BAIAP2L1: variants seen among roughly 807,000 people sequenced by gnomAD.
BAIAP2L1 encodes the protein BAR/IMD domain containing adaptor protein 2 like 1.
In BAIAP2L1, 35 loss-of-function variants were observed where a neutral mutation model predicts 66.3. The observed-to-expected ratio is 0.53, with a 90% CI of 0.40 to 0.70. The LOEUF (loss-of-function observed/expected upper bound fraction) is 0.70. BAIAP2L1 is among the 30% of genes least tolerant of loss of function. The pLI is 0.00. For synonymous variants in BAIAP2L1, 269 were observed against 248.7 expected (o/e 1.08, Z -0.77); for missense variants, 622 against 656.9 (o/e 0.95, Z 0.58).
chr7:98,370,788 A>T (rs1200345696), intron 1 of BAIAP2L1, among the ~76,000 whole-genome samples: 13 of 152,180 alleles, frequency 8.5e-5, no homozygotes, highest in Admixed American at 8.5e-4. Context: ...GGTGTGAGCC[A>T]CCGCGCCTGG....
chr7:98,350,355 A>G (rs543205578), intron 3 of BAIAP2L1, among the ~76,000 whole-genome samples: 26 of 152,098 alleles, frequency 1.7e-4, no homozygotes, highest in South Asian at 4.2e-4. Context: ...AAGGCTTAAA[A>G]AAAAAAACAA....
At chr7:98,332,981 A>G (rs532028885) in intron 3 of BAIAP2L1, among the ~76,000 whole-genome samples, 33 of 151,814 alleles carry the variant, frequency 2.2e-4, no homozygotes, top group Non-Finnish European at 4.1e-4. Context: ...CCTGCCCCTC[A>G]GCCACACTGG....
chr7:98,345,635 G>C (rs1007253513), intron 3 of BAIAP2L1, among the ~76,000 whole-genome samples: 6 of 152,022 alleles, frequency 3.9e-5, no homozygotes, highest in Non-Finnish European at 5.9e-5. Flanking sequence ...TGAGGGACGA[G>C]AATCGCTTCA....
chr7:98,391,604 C>T (rs955274125), intron 1 of BAIAP2L1, among the ~76,000 whole-genome samples: 2 of 150,240 alleles, frequency 1.3e-5, no homozygotes, highest in African/African-American at 2.5e-5. Flanking sequence ...CCCAGTTACT[C>T]GGGAGGCTGA....
rs1024644592 is a variant in BAIAP2L1, at chr7:98,386,572, T to C, written c.51+14230A>G. 8 of 1,596,784 alleles carry C rather than the reference T, an allele frequency of 5.0e-6. No homozygotes were observed. The Admixed American group carries it at 1.3e-4, about 27-fold the overall frequency. ...CCGCCTTTCGTAAGGCGCTTGTTCT[T>C]GCCAACCGCCATGGTGCTGGTCAGA... On this transcript the variant is annotated intron_variant, in intron 1 of 13. Coordinates refer to ENST00000005260, the MANE Select transcript of BAIAP2L1 (RefSeq NM_018842.5).
At chr7:98,385,684 G>T in intron 1 of BAIAP2L1, 1 of 874,046 alleles carries the variant, frequency 1.1e-6, no homozygotes, top group Non-Finnish European at 1.8e-6. Context: ...AAAGTGCTGG[G>T]ATTATAGGCA....
At chr7:98,369,904 G>A (rs1005670571) in intron 1 of BAIAP2L1, among the ~76,000 whole-genome samples, 2 of 151,790 alleles carry the variant, frequency 1.3e-5, no homozygotes, top group Non-Finnish European at 1.5e-5. Context: ...ACTCCTGACC[G>A]CAAGTGATTC....
chr7:98,315,537 C>A lies in BAIAP2L1; in HGVS notation c.562G>T (p.Glu188Ter). Residue 188 changes from glutamate to a stop codon, truncating the protein, a stop_gained, in exon 7 of 14, where the codon GAA becomes TAA. Coordinates refer to ENST00000005260, the MANE Select transcript of BAIAP2L1 (RefSeq NM_018842.5). LOFTEE classifies it high-confidence loss of function. ...IADGCKEALL[E>*]EKRRFCFLVD... ...AGAAAGCAGAAGCGCCTCTTCTCTT[C>A]AAGCAGAGCCTCTTTGCAACCATCT... The A allele has an allele frequency of 6.6e-7, 1 of 1,520,452 alleles. No homozygotes were observed. The highest frequency in any genetic ancestry group is 8.9e-7 in the Non-Finnish European group (1 of 1,125,698). The allele number at this position is 1,520,452 out of a possible 1,614,324, so 94.2% of individuals were successfully genotyped here. A position where few individuals can be genotyped will look rare whatever the true frequency, so the allele number is the denominator to read the frequency against.
intron 1 of BAIAP2L1, among the ~76,000 whole-genome samples, chr7:98,397,658 G>C (rs1189691649): frequency 6.6e-6 from 1 of 152,084 alleles, no homozygotes; most frequent in Non-Finnish European, 1.5e-5. Context: ...GTTCTAGGAA[G>C]GCTGTGGCTG....
At chr7:98,367,242 C>A (rs1802406636) in intron 1 of BAIAP2L1, among the ~76,000 whole-genome samples, 1 of 152,116 alleles carries the variant, frequency 6.6e-6, no homozygotes, top group Non-Finnish European at 1.5e-5. Flanking sequence ...GCAATGGTAT[C>A]TTCTATAACC....
intron 3 of BAIAP2L1, among the ~76,000 whole-genome samples, chr7:98,339,432 G>A (rs568636003): frequency 9.9e-5 from 15 of 152,240 alleles, no homozygotes; most frequent in African/African-American, 2.6e-4. Flanking sequence ...TAAGTCACTC[G>A]GAAGAGGAAA....
intron 1 of BAIAP2L1, among the ~76,000 whole-genome samples, chr7:98,373,850 G>T (rs1052636484): frequency 6.6e-6 from 1 of 152,194 alleles, no homozygotes; most frequent in East Asian, 1.9e-4. Context: ...TTCCACCCTG[G>T]TGTCATCATC....
chr7:98,357,706 T>C (rs1217575082), intron 2 of BAIAP2L1, among the ~76,000 whole-genome samples: 1 of 151,966 alleles, frequency 6.6e-6, no homozygotes, highest in East Asian at 1.9e-4. Flanking sequence ...AAAGTGTAAA[T>C]GTAAAAAGAA....
chr7:98,386,380 C>T lies in BAIAP2L1; in HGVS notation c.51+14422G>A, dbSNP rs1418457054. The T allele has an allele frequency of 3.8e-6, 6 of 1,594,454 alleles. No individual in the cohort carries two copies. In the African/African-American group the frequency reaches 5.3e-5, roughly 14 times the overall value. Reference sequence around the variant, plus strand: ...TCATTCTGCAAATCAGCAAGACTCACTTCAAACACACGACCCTTGAGACCA... The same window carrying T: ...TCATTCTGCAAATCAGCAAGACTCATTTCAAACACACGACCCTTGAGACCA... On this transcript the variant is annotated intron_variant, in intron 1 of 13. Transcript: ENST00000005260.
chr7:98,325,558 GTCC>G (rs1276212827), intron 3 of BAIAP2L1, among the ~76,000 whole-genome samples: 8 of 151,896 alleles, frequency 5.3e-5, no homozygotes, highest in Non-Finnish European at 8.8e-5. Context: ...CGTGCCTGTA[GTCC>G]TAGCTACTCA....
chr7:98,363,694 T>C (rs752999242), intron 1 of BAIAP2L1, among the ~76,000 whole-genome samples: 1 of 152,194 alleles, frequency 6.6e-6, no homozygotes, highest in Non-Finnish European at 1.5e-5. Flanking sequence ...ACAATAAGCT[T>C]CATGATATTA....
At position 98,379,473 on chromosome 7, in the gene BAIAP2L1, CCAACCAAGGTT is replaced by C. The variant is rs555123831; in HGVS notation, c.52-17052_52-17042del. 2.8e-3 allele frequency among the ~76,000 whole-genome samples: 420 copies of C among 152,300 alleles called. 2 individuals are homozygous for C. The highest frequency in any genetic ancestry group is 4.7e-3 in the Non-Finnish European group (319 of 68,024). On this transcript the variant is annotated intron_variant, in intron 1 of 13. Coordinates refer to ENST00000005260, the MANE Select transcript of BAIAP2L1 (RefSeq NM_018842.5). The stretch of plus-strand genomic sequence containing the variant: ...ACTTCCCTAGCTCAAGGCGATAACT[CCAACCAAGGTT>C]CACAAAAGCTGCCAGGCTCGGCCTT...
At chr7:98,383,138 G>A (rs1167433034) in intron 1 of BAIAP2L1, among the ~76,000 whole-genome samples, 4 of 151,578 alleles carry the variant, frequency 2.6e-5, no homozygotes, top group Admixed American at 6.6e-5. Flanking sequence ...ACTCCAGCCT[G>A]GGCAAGAGAC....
At chr7:98,365,763 A>G (rs1167815073) in intron 1 of BAIAP2L1, among the ~76,000 whole-genome samples, 2 of 152,170 alleles carry the variant, frequency 1.3e-5, no homozygotes, top group African/African-American at 4.8e-5. Context: ...TACAGGTGTG[A>G]GCCACCACGC....
Sources: allele counts gnomAD v4.1 joint callset (sites outside exome capture counted in the v4.1 genomes callset), GRCh38; gene constraint gnomAD v4.1.1; transcripts MANE v1.5; gene names NCBI Gene and HGNC (gene_info 2026-07-23, HGNC 2026-07-21).